The following PNKD variants were observed in gnomAD, a reference collection of about 807,000 sequenced individuals.
PNKD encodes the protein PNKD metallo-beta-lactamase domain containing.
A neutral mutation model predicts 45.3 loss-of-function variants in PNKD; 36 were observed. The ratio of observed to expected loss-of-function variants is 0.80; its 90% CI spans 0.61 to 1.05. The LOEUF (loss-of-function observed/expected upper bound fraction) is 1.05. Ranked by LOEUF, PNKD falls within the 50% of genes least tolerant of loss-of-function variation. PNKD has a pLI of 0.00. For synonymous variants in PNKD, 197 were observed against 210.1 expected, an observed-to-expected ratio of 0.94 and a Z score of 0.54; for missense variants, 511 against 506.6, an observed-to-expected ratio of 1.01 and a Z score of -0.08.
At chr2:218,296,918 T>C (rs1474951914) in intron 2 of PNKD, among the ~76,000 whole-genome samples, 1 of 152,178 alleles carries the variant, frequency 6.6e-6, no homozygotes, top group Non-Finnish European at 1.5e-5. Flanking sequence ...CCTCAGGTCA[T>C]CCACCTGCCT....
chr2:218,292,729 C>T (rs1261254204), intron 2 of PNKD: 2 of 152,234 alleles, frequency 1.3e-5, no homozygotes, highest in African/African-American at 2.4e-5. Context: ...CTAGAAAAGA[C>T]ACAGAAATGC....
intron 2 of PNKD, among the ~76,000 whole-genome samples, chr2:218,292,157 G>A (rs933960897): frequency 5.9e-5 from 9 of 152,196 alleles, no homozygotes; most frequent in Non-Finnish European, 1.2e-4. Flanking sequence ...ACTCGTGCCC[G>A]AAAGAGGGAA....
chr2:218,310,555 T>C (rs919390884), intron 2 of PNKD, among the ~76,000 whole-genome samples: 7 of 150,784 alleles, frequency 4.6e-5, no homozygotes, highest in African/African-American at 1.7e-4. Flanking sequence ...AAGGACCACA[T>C]GTATAACAAT....
At chr2:218,282,122 G>A in intron 2 of PNKD, 1 of 1,519,244 alleles carries the variant, frequency 6.6e-7, no homozygotes. Context: ...ATATGGTGGT[G>A]GGGCGCTGGG....
At chr2:218,322,088 A>G (rs1038312503) in intron 2 of PNKD, among the ~76,000 whole-genome samples, 1 of 151,260 alleles carries the variant, frequency 6.6e-6, no homozygotes, top group African/African-American at 2.4e-5. Context: ...ATGCCTGGCT[A>G]ATTTTGTATT....
Position 218,301,882 on chromosome 2 carries a change from G to C in PNKD, c.236+30333G>C, listed in dbSNP as rs548193831. On this transcript the variant is annotated intron_variant, in intron 2 of 9. Transcript: ENST00000273077. ...AACAAGCATTTATGAGGGGCCAACT[G>C]TGTGCCAGACCTGTGGGGATACAGA... Among the ~76,000 whole-genome samples, 11 of 152,268 alleles carry C rather than the reference G, an allele frequency of 7.2e-5. No individual in the cohort carries two copies. In the South Asian group the frequency reaches 2.3e-3, roughly 32 times the overall value.
At chr2:218,295,096 G>A (rs920944481) in intron 2 of PNKD, among the ~76,000 whole-genome samples, 17 of 152,194 alleles carry the variant, frequency 1.1e-4, no homozygotes, top group South Asian at 4.1e-4. Flanking sequence ...GCCTTGCTGC[G>A]TGCTTTTTCT....
chr2:218,294,641 C>T (rs1013828258), intron 2 of PNKD, among the ~76,000 whole-genome samples: 4 of 152,162 alleles, frequency 2.6e-5, no homozygotes, highest in African/African-American at 9.6e-5. Context: ...CCACACCTGG[C>T]TAATTTTTGT....
At chr2:218,330,795 A>T (rs534768182) in intron 2 of PNKD, among the ~76,000 whole-genome samples, 1 of 152,384 alleles carries the variant, frequency 6.6e-6, no homozygotes, top group East Asian at 1.9e-4. Context: ...ATTCTAATAT[A>T]GGTGGGCCAA....
At chr2:218,315,082 C>CTT (rs1553667844) in intron 2 of PNKD, among the ~76,000 whole-genome samples, 27,907 of 76,688 alleles carry the variant, frequency 0.36, 6,978 homozygotes, top group South Asian at 0.63. Flanking sequence ...TCCTTTCTTT[C>CTT]TCTCTCTCTC....
At chr2:218,336,078 G>A (rs1459945829) in intron 2 of PNKD, among the ~76,000 whole-genome samples, 1 of 152,054 alleles carries the variant, frequency 6.6e-6, no homozygotes, top group East Asian at 1.9e-4. Context: ...AGCCAGGCGT[G>A]GTGGTGGGTG....
chr2:218,343,453 T>C (rs752884477), intron 7 of PNKD, 47 bp from the exon 8 acceptor site: 2 of 1,427,590 alleles, frequency 1.4e-6, no homozygotes, highest in African/African-American at 2.8e-5. Context: ...TTATGCCATA[T>C]TGTGTTATCC....
At chr2:218,344,659 A>G in intron 9 of PNKD, 89 bp downstream of exon 9, 3 of 1,383,670 alleles carry the variant, frequency 2.2e-6, no homozygotes, top group Non-Finnish European at 2.1e-6. Context: ...GCCTGCGAGC[A>G]CCTCCCCAAA....
intron 2 of PNKD, among the ~76,000 whole-genome samples, chr2:218,284,953 G>A (rs1240587894): frequency 1.3e-5 from 2 of 152,194 alleles, no homozygotes; most frequent in Non-Finnish European, 2.9e-5. Flanking sequence ...AGCTGGGCAT[G>A]GCAGCAGGCG....
Position 218,270,577 on chromosome 2 carries a change from G to A in PNKD, c.42G>A (p.Gly14=), listed in dbSNP as rs955860203. Reference sequence around the variant, plus strand: ...CTGCTACGGCGCTGAAGGGCCGGGGGGCGAGAAATGCCCGCGTCCTCCGGG... The same window carrying A: ...CTGCTACGGCGCTGAAGGGCCGGGGAGCGAGAAATGCCCGCGTCCTCCGGG... The part of the protein sequence containing the change: ...VVAATALKGR[G]ARNARVLRGI... The change falls in exon 1 of 10, where the codon GGG becomes GGA. Residue 14 remains glycine, a synonymous_variant. Transcript: ENST00000273077. The A allele has an allele frequency of 3.5e-5, 41 of 1,159,700 alleles. No homozygotes were observed. The highest frequency in any genetic ancestry group is 2.1e-4 in the Middle Eastern group (1 of 4,676). 71.8% of individuals were successfully genotyped at this position (1,159,700 alleles called of 1,614,324 possible). A position where few individuals can be genotyped will look rare whatever the true frequency, so the allele number is the denominator to read the frequency against.
At chr2:218,277,838 A>G (rs1691398663) in intron 2 of PNKD, 1 of 1,573,312 alleles carries the variant, frequency 6.4e-7, no homozygotes, top group South Asian at 1.1e-5. Context: ...TGGAGGAGAC[A>G]GCCAGGACAT....
intron 2 of PNKD, among the ~76,000 whole-genome samples, chr2:218,330,341 T>C (rs543704562): frequency 1.3e-5 from 2 of 152,248 alleles, no homozygotes; most frequent in East Asian, 1.9e-4. Context: ...AAGAGCTTCA[T>C]TGTGTGTTTT....
At chr2:218,295,278 C>G (rs1015625258) in intron 2 of PNKD, among the ~76,000 whole-genome samples, 1 of 152,208 alleles carries the variant, frequency 6.6e-6, no homozygotes, top group East Asian at 1.9e-4. Context: ...ACAGGAATTT[C>G]CGGTTCTAGA....
At position 218,339,844 on chromosome 2, in the gene PNKD, G is replaced by C; in HGVS notation, c.298G>C (p.Ala100Pro). The change falls in exon 3 of 10, where the codon GCT becomes CCT. Residue 100 changes from alanine to proline, a missense_variant. Transcript: ENST00000273077. Reference protein sequence around the residue: ...YLFYRQQLRRARNRYPKGHSK... With the variant: ...YLFYRQQLRRPRNRYPKGHSK... ...CTTCTACCGACAGCAGCTGCGCAGG[G>C]CTCGGAATCGCTACCCTAAAGGCCA... 6.2e-7 allele frequency: 1 copy of C among 1,613,248 alleles called. No individual in the cohort carries two copies. The highest frequency in any genetic ancestry group is 8.5e-7 in the Non-Finnish European group (1 of 1,179,642).
Sources: allele counts gnomAD v4.1 joint callset (sites outside exome capture counted in the v4.1 genomes callset), GRCh38; gene constraint gnomAD v4.1.1; transcripts MANE v1.5; gene names NCBI Gene and HGNC (gene_info 2026-07-23, HGNC 2026-07-21).